The following LRRC40 variants were observed in gnomAD, a reference collection of about 807,000 sequenced individuals.
LRRC40 encodes the protein leucine rich repeat containing 40, also known as leucine-rich repeat-containing protein 40.
Under a neutral mutation model 72.8 loss-of-function variants are expected in LRRC40, and 76 were observed. The ratio of observed to expected loss-of-function variants is 1.04; its 90% confidence interval spans 0.87 to 1.26. The LOEUF (loss-of-function observed/expected upper bound fraction) is 1.26, where lower values mean the gene tolerates loss of function less well. Ranked by LOEUF, LRRC40 falls within the 50% of genes most tolerant of loss-of-function variation. The pLI, the probability that LRRC40 is intolerant of heterozygous loss-of-function variation, is 0.00. For missense variants in LRRC40, 684 were observed against 698.9 expected, an observed-to-expected ratio of 0.98 and a Z score of 0.24; for synonymous variants, 243 against 254.2, an observed-to-expected ratio of 0.96 and a Z score of 0.42.
chr1:70,155,573 A>C (rs904706454), intron 11 of LRRC40, 116 bp downstream of exon 11: 5 of 429,656 alleles, frequency 1.2e-5, no homozygotes, highest in Middle Eastern at 1.2e-3. Context: ...ATAATGTAAA[A>C]ATTTTTACAT....
At chr1:70,193,631 CA>C (rs1292405518) in intron 1 of LRRC40, among the ~76,000 whole-genome samples, 1 of 151,846 alleles carries the variant, frequency 6.6e-6, no homozygotes, top group Non-Finnish European at 1.5e-5. Context: ...ACTCTGATGC[CA>C]AAAGCAGATA....
chr1:70,157,627 G>A lies in LRRC40; in HGVS notation c.1220+1703C>T, dbSNP rs573912600. On this transcript the variant is annotated intron_variant, in intron 10 of 14. Transcript: ENST00000370952. Reference sequence around the variant, plus strand: ...AATAGAGACTCAATAAATGGTATCTGTATATGAGGGAATGGAAGCCAGAAG... The same window carrying A: ...AATAGAGACTCAATAAATGGTATCTATATATGAGGGAATGGAAGCCAGAAG... Among the ~76,000 whole-genome samples the A allele has an allele frequency of 9.3e-4, 142 of 152,202 alleles. 1 individual carries two copies. The South Asian group carries it at 0.029, about 31-fold the overall frequency.
chr1:70,193,679 G>T, intron 1 of LRRC40, among the ~76,000 whole-genome samples: 1 of 151,884 alleles, frequency 6.6e-6, no homozygotes. Flanking sequence ...AAAACTACAG[G>T]CCAATGTATC....
intron 9 of LRRC40, among the ~76,000 whole-genome samples, chr1:70,161,161 G>A (rs192901542): frequency 1.1e-3 from 159 of 150,868 alleles, no homozygotes; most frequent in African/African-American, 3.6e-3. Flanking sequence ...GATCTCGCAC[G>A]GCAAGCTCCA....
intron 9 of LRRC40, among the ~76,000 whole-genome samples, chr1:70,162,102 A>G (rs891497437): frequency 6.6e-6 from 1 of 152,124 alleles, no homozygotes; most frequent in African/African-American, 2.4e-5. Context: ...TTCATTTTTT[A>G]GATTTTTTTA....
At chr1:70,188,115 T>TTAGA (rs1229821260) in intron 2 of LRRC40, among the ~76,000 whole-genome samples, 1 of 152,118 alleles carries the variant, frequency 6.6e-6, no homozygotes, top group Non-Finnish European at 1.5e-5. Context: ...AGAAAGAACC[T>TTAGA]TAGAGTAAGC....
intron 12 of LRRC40, among the ~76,000 whole-genome samples, chr1:70,152,161 G>C (rs1667514632): frequency 6.6e-6 from 1 of 151,982 alleles, no homozygotes. Flanking sequence ...TTGTAATTTT[G>C]CTTAGAATGG....
intron 2 of LRRC40, among the ~76,000 whole-genome samples, chr1:70,188,106 G>C (rs1038218647): frequency 6.6e-6 from 1 of 152,092 alleles, no homozygotes; most frequent in Non-Finnish European, 1.5e-5. Context: ...TTTTAAGGTA[G>C]AAAGAACCTT....
intron 1 of LRRC40, among the ~76,000 whole-genome samples, chr1:70,197,199 G>A (rs1197859751): frequency 7.0e-6 from 1 of 142,406 alleles, no homozygotes; most frequent in Non-Finnish European, 1.5e-5. Flanking sequence ...AAGCCAACAT[G>A]AGTACAGGCT....
intron 5 of LRRC40, among the ~76,000 whole-genome samples, chr1:70,180,846 T>C (rs1299806269): frequency 6.6e-6 from 1 of 152,170 alleles, no homozygotes; most frequent in Admixed American, 6.5e-5. Flanking sequence ...ATAATCCTAC[T>C]ACAACGAATA....
chr1:70,173,690 TC>T lies in LRRC40; in HGVS notation c.996del (p.Asn333ThrfsTer4). On this transcript the variant is annotated frameshift_variant, in exon 8 of 15. Transcript: ENST00000370952. LOFTEE classifies it high-confidence loss of function. Reference sequence around the variant, plus strand: ...AATGCCAAAAATTTCAAATGAAGGTTCCCCAATGAATAGGGAAGACTATAAA... The same window carrying T: ...AATGCCAAAAATTTCAAATGAAGGTTCCCAATGAATAGGGAAGACTATAAA... ...NDISSLPYSLGNLHLKFLALE... is the reference protein window; with the variant it reads ...NDISSLPYSLXNLHLKFLALE... The T allele has an allele frequency of 1.3e-6, 2 of 1,552,698 alleles. No homozygotes were observed. The highest frequency in any genetic ancestry group is 1.8e-6 in the Non-Finnish European group (2 of 1,136,378).
chr1:70,197,721 T>C (rs1668646659), intron 1 of LRRC40, among the ~76,000 whole-genome samples: 1 of 151,786 alleles, frequency 6.6e-6, no homozygotes, highest in African/African-American at 2.4e-5. Flanking sequence ...ATTTATATGA[T>C]ATGGGTGGAT....
At chr1:70,197,527 C>A (rs1668641343) in intron 1 of LRRC40, among the ~76,000 whole-genome samples, 1 of 151,748 alleles carries the variant, frequency 6.6e-6, no homozygotes, top group Non-Finnish European at 1.5e-5. Flanking sequence ...GATCCTCCCA[C>A]CTTGGCCTCC....
At position 70,205,458 on chromosome 1, in the gene LRRC40, G is replaced by A. The variant is rs147318829; in HGVS notation, c.83C>T (p.Pro28Leu). 83 of 1,609,788 alleles carry A rather than the reference G, an allele frequency of 5.2e-5. No individual in the cohort carries two copies. In the African/African-American group the frequency reaches 9.3e-4, roughly 18 times the overall value. Residue 28 changes from proline (P) to leucine (L), a missense_variant, in exon 1 of 15, where the codon CCC becomes CTC. Transcript: ENST00000370952. ...AGGRDCGTSVPQGLLKAARKS... is the reference protein window; with the variant it reads ...AGGRDCGTSVLQGLLKAARKS... ...CCTCGCTGCCTTCAACAGCCCTTGG[G>A]GTACCGAGGTACCGCAGTCTCTTCC...
intron 3 of LRRC40, among the ~76,000 whole-genome samples, chr1:70,186,945 A>G (rs1668373647): frequency 1.3e-5 from 2 of 152,128 alleles, no homozygotes; most frequent in African/African-American, 4.8e-5. Context: ...AGGTAACTTA[A>G]AAGTTGAGAC....
intron 1 of LRRC40, among the ~76,000 whole-genome samples, chr1:70,204,065 A>G (rs191757356): frequency 6.6e-6 from 1 of 152,356 alleles, no homozygotes; most frequent in East Asian, 1.9e-4. Flanking sequence ...TCTAATCCAT[A>G]TCATCACGGA....
At chr1:70,203,004 C>G (rs1347012798) in intron 1 of LRRC40, among the ~76,000 whole-genome samples, 2 of 152,206 alleles carry the variant, frequency 1.3e-5, no homozygotes, top group Non-Finnish European at 2.9e-5. Flanking sequence ...AATCCTCCCA[C>G]CTCAGCCTTC....
chr1:70,187,348 T>C lies in LRRC40; in HGVS notation c.334-10A>G. On this transcript the variant is annotated splice_polypyrimidine_tract_variant and intron_variant, in intron 2 of 14. Transcript: ENST00000370952. ...ACTGATTATCATGTATCTAAAAGTT[T>C]TTAAAAGACAAAGTCAATATTCTTA... 1 of 1,390,136 alleles carries C rather than the reference T, an allele frequency of 7.2e-7. No individual in the cohort carries two copies. The highest frequency in any genetic ancestry group is 1.0e-6 in the Non-Finnish European group (1 of 986,264). 86.1% of individuals were successfully genotyped at this position (1,390,136 alleles called of 1,614,324 possible).
intron 9 of LRRC40, among the ~76,000 whole-genome samples, chr1:70,162,207 A>C (rs1001824580): frequency 2.6e-5 from 4 of 152,302 alleles, no homozygotes; most frequent in African/African-American, 9.6e-5. Context: ...TGGAAGAACG[A>C]ACCTTAGGAA....
Sources: gnomAD v4.1 joint callset for allele counts (sites outside exome capture counted in the v4.1 genomes callset) on GRCh38, gnomAD v4.1.1 for gene constraint, MANE v1.5 for transcripts, NCBI Gene and HGNC (gene_info 2026-07-23, HGNC 2026-07-21) for gene names.